SLC2A13: variants seen among roughly 807,000 people sequenced by gnomAD.
SLC2A13 encodes the protein solute carrier family 2 member 13.
Under a neutral mutation model 64.4 loss-of-function variants are expected in SLC2A13, and 32 were observed. That is an observed-to-expected ratio of 0.50 (90% CI 0.37 to 0.67). The LOEUF is 0.67. Ranked by LOEUF, SLC2A13 falls within the 30% of genes least tolerant of loss-of-function variation. SLC2A13 has a pLI of 0.00. For missense variants in SLC2A13, 743 were observed against 829.2 expected (o/e 0.90, Z 1.28); for synonymous variants, 338 against 327.1 (o/e 1.03, Z -0.36).
chr12:40,080,132 G>A (rs1229865358), intron 1 of SLC2A13, among the ~76,000 whole-genome samples: 1 of 152,186 alleles, frequency 6.6e-6, no homozygotes, highest in Non-Finnish European at 1.5e-5. Context: ...AAAGTGCTGG[G>A]ATTACCGGTG....
chr12:39,758,567 A>G lies in SLC2A13; in HGVS notation c.*1459T>C, dbSNP rs1245041847. On this transcript the variant is annotated 3_prime_UTR_variant, in exon 10 of 10. Coordinates refer to ENST00000280871, the MANE Select transcript of SLC2A13 (RefSeq NM_052885.4). ...GTGATCAAGTAATTTTGTACATACTATATAGTTCTTAATAGAAAAGCAAAA... is the reference window on the plus strand; with the variant it reads ...GTGATCAAGTAATTTTGTACATACTGTATAGTTCTTAATAGAAAAGCAAAA... The G allele has an allele frequency of 6.6e-6, 1 of 152,026 alleles. No homozygotes were observed. The highest frequency in any genetic ancestry group is 1.5e-5 in the Non-Finnish European group (1 of 67,858). The allele number at this position is 152,026 out of a possible 1,614,324, so 9.4% of individuals were successfully genotyped here.
intron 1 of SLC2A13, 85 bp from the exon 2 acceptor site, chr12:40,048,295 C>T: frequency 7.4e-7 from 1 of 1,347,700 alleles, no homozygotes; most frequent in East Asian, 2.4e-5. Flanking sequence ...TAGGCATACA[C>T]TTACATATAT....
At chr12:39,761,616 A>C (rs994746396) in intron 9 of SLC2A13, among the ~76,000 whole-genome samples, 1 of 57,312 alleles carries the variant, frequency 1.7e-5, no homozygotes, top group African/African-American at 7.2e-5. Flanking sequence ...CTCTTGGAGA[A>C]TGGGGGAATT....
Position 39,828,599 on chromosome 12 carries a change from G to A in SLC2A13, c.1445+1504C>T, listed in dbSNP as rs376508285. ...AATTTTAGTGTCTCTTTACTACTTA[G>A]TAGAGTTCTAATAAGTTTATAAATT... On this transcript the variant is annotated intron_variant, in intron 7 of 9. Transcript: ENST00000280871. Among the ~76,000 whole-genome samples, 11 of 152,114 alleles carry A rather than the reference G, an allele frequency of 7.2e-5. No homozygotes were observed. In the East Asian group the frequency reaches 9.7e-4, roughly 13 times the overall value.
chr12:39,804,994 G>C (rs899554744), intron 7 of SLC2A13, among the ~76,000 whole-genome samples: 1 of 152,212 alleles, frequency 6.6e-6, no homozygotes, highest in Non-Finnish European at 1.5e-5. Flanking sequence ...GTCTGAGGGA[G>C]AAGACTGCTG....
At chr12:40,079,461 G>A (rs570514168) in intron 1 of SLC2A13, among the ~76,000 whole-genome samples, 1 of 152,288 alleles carries the variant, frequency 6.6e-6, no homozygotes, top group East Asian at 1.9e-4. Context: ...TTGCACTGAG[G>A]TCTGAAAGAC....
chr12:39,946,669 C>T (rs577494524), intron 4 of SLC2A13, among the ~76,000 whole-genome samples: 1 of 152,130 alleles, frequency 6.6e-6, no homozygotes, highest in South Asian at 2.1e-4. Flanking sequence ...AGGCCTCACC[C>T]AACTCTCACG....
intron 4 of SLC2A13, among the ~76,000 whole-genome samples, chr12:39,891,945 C>A (rs1944619860): frequency 6.6e-6 from 1 of 152,116 alleles, no homozygotes; most frequent in Non-Finnish European, 1.5e-5. Flanking sequence ...GGAGAATAAT[C>A]CTATTTTGGG....
intron 2 of SLC2A13, among the ~76,000 whole-genome samples, chr12:40,030,776 A>T (rs1947891230): frequency 6.6e-6 from 1 of 152,174 alleles, no homozygotes; most frequent in Non-Finnish European, 1.5e-5. Context: ...GACAAAAAGA[A>T]AAGGAAAATA....
At chr12:39,840,254 A>G (rs1943146714) in intron 6 of SLC2A13, among the ~76,000 whole-genome samples, 1 of 151,898 alleles carries the variant, frequency 6.6e-6, no homozygotes, top group African/African-American at 2.4e-5. Context: ...CACCACGCCC[A>G]GCCTTGTACT....
At chr12:40,006,302 T>C (rs1054432795) in intron 3 of SLC2A13, among the ~76,000 whole-genome samples, 3 of 152,218 alleles carry the variant, frequency 2.0e-5, no homozygotes, top group African/African-American at 7.2e-5. Flanking sequence ...ATCTCAGGTA[T>C]ATCTGGGCAA....
chr12:39,887,445 C>G (rs774229534), intron 4 of SLC2A13, among the ~76,000 whole-genome samples: 3 of 152,012 alleles, frequency 2.0e-5, no homozygotes, highest in Non-Finnish European at 2.9e-5. Context: ...GAAAATACAC[C>G]CAGAGCAGGC....
chr12:39,907,280 GAA>G (rs1170365913), intron 4 of SLC2A13, among the ~76,000 whole-genome samples: 1 of 152,078 alleles, frequency 6.6e-6, no homozygotes, highest in Non-Finnish European at 1.5e-5. Flanking sequence ...GCAAAATGAT[GAA>G]AGAGAACATA....
chr12:40,034,973 T>TC (rs1268474319), intron 2 of SLC2A13, among the ~76,000 whole-genome samples: 3 of 152,020 alleles, frequency 2.0e-5, no homozygotes, highest in African/African-American at 4.8e-5. Context: ...AGAGATGGCA[T>TC]CCCCCCGAGC....
chr12:39,833,010 T>C (rs1487449644), intron 6 of SLC2A13, among the ~76,000 whole-genome samples: 4 of 152,086 alleles, frequency 2.6e-5, no homozygotes, highest in African/African-American at 9.7e-5. Flanking sequence ...TCTTAAAGTT[T>C]CTTAGCCCCC....
chr12:39,884,085 G>A (rs190880984), intron 4 of SLC2A13, among the ~76,000 whole-genome samples: 112 of 152,218 alleles, frequency 7.4e-4, no homozygotes, highest in African/African-American at 2.5e-3. Flanking sequence ...GTCATACATT[G>A]TATTCAGGCA....
chr12:39,901,115 T>C (rs986352932), intron 4 of SLC2A13, among the ~76,000 whole-genome samples: 85 of 152,120 alleles, frequency 5.6e-4, no homozygotes, highest in African/African-American at 1.9e-3. Context: ...ATAAATGGTG[T>C]GGGGAAAACT....
chr12:39,941,952 T>C (rs1946034972), intron 4 of SLC2A13, among the ~76,000 whole-genome samples: 1 of 152,222 alleles, frequency 6.6e-6, no homozygotes, highest in Non-Finnish European at 1.5e-5. Flanking sequence ...CCCAACACCA[T>C]CTGTTGAAAA....
rs1273922346 is a variant in SLC2A13 at position 40,016,199 on chromosome 12, C to CA, written c.925+12101dup. The stretch of plus-strand genomic sequence containing the variant: ...TTGAAAACATACTACACCACCCCCC[C>CA]AAAAAAAAACTACTCTTGAAATCTG... On this transcript the variant is annotated intron_variant, in intron 3 of 9. Transcript: ENST00000280871. 3.8e-3 allele frequency among the ~76,000 whole-genome samples: 565 copies of CA among 150,356 alleles called. 2 individuals carry two copies. The highest frequency in any genetic ancestry group is 6.9e-3 in the Admixed American group (104 of 15,068).
Sources: gnomAD v4.1 joint callset for allele counts (sites outside exome capture counted in the v4.1 genomes callset) on GRCh38, gnomAD v4.1.1 for gene constraint, MANE v1.5 for transcripts, NCBI Gene and HGNC (gene_info 2026-07-23, HGNC 2026-07-21) for gene names.